The following RBFOX1 variants were observed in gnomAD, a reference collection of about 807,000 sequenced individuals.
RBFOX1 encodes the protein RNA binding protein fox-1 homolog 1.
RBFOX1 carries 8 observed loss-of-function variants against 57.7 expected under a neutral mutation model. That is an observed-to-expected ratio of 0.14 (90% confidence interval 0.08 to 0.25). The LOEUF is 0.25. RBFOX1 is among the 10% of genes least tolerant of loss of function. The pLI is 1.00. For missense variants in RBFOX1, 611 were observed against 548.5 expected, an observed-to-expected ratio of 1.11 and a Z score of -1.14; for synonymous variants, 326 against 222.4, an observed-to-expected ratio of 1.47 and a Z score of -4.15.
At chr16:6,027,529 G>T (rs1228835804) in intron 1 of RBFOX1, among the ~76,000 whole-genome samples, 1 of 152,132 alleles carries the variant, frequency 6.6e-6, no homozygotes, top group East Asian at 1.9e-4. Flanking sequence ...CTGAACCTCA[G>T]TCCATCCCTA....
chr16:6,589,502 A>G (rs980766639), intron 2 of RBFOX1, among the ~76,000 whole-genome samples: 4 of 152,220 alleles, frequency 2.6e-5, no homozygotes, highest in Non-Finnish European at 4.4e-5. Context: ...GTTGATCCAT[A>G]TGGGTGATGC....
chr16:7,210,843 C>G (rs149633895), intron 4 of RBFOX1, among the ~76,000 whole-genome samples: 5 of 151,592 alleles, frequency 3.3e-5, no homozygotes, highest in East Asian at 1.9e-4. Context: ...TATGATGACT[C>G]TAAGAAATAA....
chr16:5,766,305 G>A (rs1019847380), intron 3 of RBFOX1, among the ~76,000 whole-genome samples: 1 of 152,080 alleles, frequency 6.6e-6, no homozygotes, highest in Non-Finnish European at 1.5e-5. Context: ...TACAGATCTG[G>A]GCTGGGCACG....
chr16:7,029,257 C>T (rs62018367), intron 3 of RBFOX1, among the ~76,000 whole-genome samples: 4,608 of 21,736 alleles, frequency 0.21, 780 homozygotes, highest in African/African-American at 0.55. Context: ...TATATACACA[C>T]ATATATATAC....
chr16:6,865,950 A>T (rs1256607670), intron 3 of RBFOX1, among the ~76,000 whole-genome samples: 2 of 152,206 alleles, frequency 1.3e-5, no homozygotes, highest in African/African-American at 4.8e-5. Flanking sequence ...TTGCACAGTA[A>T]TGTCTAAATC....
At chr16:5,751,454 C>A (rs988390120) in intron 3 of RBFOX1, among the ~76,000 whole-genome samples, 3 of 152,182 alleles carry the variant, frequency 2.0e-5, no homozygotes, top group East Asian at 1.9e-4. Flanking sequence ...TTAATACATC[C>A]ACTGTAGACT....
chr16:5,999,644 G>A (rs73614372), intron 4 of RBFOX1, among the ~76,000 whole-genome samples: 1 of 152,030 alleles, frequency 6.6e-6, no homozygotes, highest in Non-Finnish European at 1.5e-5. Context: ...GGCGGATCAC[G>A]AGGTCAGGAG....
chr16:6,316,327 A>G (rs1444129117), intron 1 of RBFOX1, among the ~76,000 whole-genome samples: 1 of 152,200 alleles, frequency 6.6e-6, no homozygotes, highest in Non-Finnish European at 1.5e-5. Context: ...GTTTATTTAA[A>G]TATCAATGAA....
intron 1 of RBFOX1, among the ~76,000 whole-genome samples, chr16:6,254,154 C>T (rs371726410): frequency 4.6e-5 from 7 of 152,092 alleles, no homozygotes; most frequent in African/African-American, 1.7e-4. Context: ...TAAGCACCCT[C>T]GTCAATAGCA....
intron 4 of RBFOX1, among the ~76,000 whole-genome samples, chr16:7,405,026 C>T (rs1312543991): frequency 2.0e-5 from 3 of 152,166 alleles, no homozygotes; most frequent in Admixed American, 6.5e-5. Context: ...GGTATTATTT[C>T]GGTTACGGTA....
chr16:6,848,861 T>C (rs2093910923), intron 3 of RBFOX1, among the ~76,000 whole-genome samples: 1 of 152,132 alleles, frequency 6.6e-6, no homozygotes, highest in Non-Finnish European at 1.5e-5. Flanking sequence ...AATTCACTGA[T>C]TGTATTTCCT....
chr16:5,759,261 G>T (rs1473440624), intron 3 of RBFOX1, among the ~76,000 whole-genome samples: 1 of 152,224 alleles, frequency 6.6e-6, no homozygotes, highest in African/African-American at 2.4e-5. Flanking sequence ...AGAAGAACCA[G>T]TGGAAACAGG....
intron 3 of RBFOX1, among the ~76,000 whole-genome samples, chr16:5,730,324 A>G (rs546828844): frequency 6.6e-6 from 1 of 152,230 alleles, no homozygotes; most frequent in African/African-American, 2.4e-5. Context: ...CATGCCTGAG[A>G]AAAAGAATCC....
At chr16:7,410,684 A>AAAACC (rs142111301) in intron 4 of RBFOX1, among the ~76,000 whole-genome samples, 54,177 of 151,708 alleles carry the variant, frequency 0.36, 10,268 homozygotes, top group East Asian at 0.6. Flanking sequence ...TCCCAAAAAC[A>AAAACC]AAACAAAACA....
chr16:5,367,645 G>T (rs766180921), intron 1 of RBFOX1, among the ~76,000 whole-genome samples: 5 of 152,178 alleles, frequency 3.3e-5, no homozygotes, highest in Non-Finnish European at 7.3e-5. Flanking sequence ...TTAAATGCCT[G>T]CTCTGTGCCA....
At chr16:5,899,868 G>T (rs1386214174) in intron 4 of RBFOX1, among the ~76,000 whole-genome samples, 1 of 152,162 alleles carries the variant, frequency 6.6e-6, no homozygotes, top group African/African-American at 2.4e-5. Flanking sequence ...GAGCCCAGGA[G>T]TTCGAGACTA....
rs60829829 is a variant in RBFOX1, at chr16:6,203,980, CT to C, written c.-126-113000del. ...TGGCTCTGCCAGTTCTGTTTTGTTT[CT>C]TTTTTTTTTTTTTTCGTGAATGACT... On this transcript the variant is annotated intron_variant, in intron 1 of 15. Coordinates refer to ENST00000550418, the MANE Select transcript of RBFOX1 (RefSeq NM_018723.4). Among the ~76,000 whole-genome samples, 1,082 of 137,596 alleles carry C rather than the reference CT, an allele frequency of 7.9e-3. 6 individuals are homozygous for C. Among genetic ancestry groups the C allele is most frequent in the African/African-American group, 0.012 (436 of 37,688 alleles). The allele number at this position is 137,596 out of a possible 152,430, so 90.3% of individuals were successfully genotyped here. A position where few individuals can be genotyped will look rare whatever the true frequency, so the allele number is the denominator to read the frequency against.
At chr16:6,953,289 G>T (rs568301995) in intron 3 of RBFOX1, among the ~76,000 whole-genome samples, 9 of 152,222 alleles carry the variant, frequency 5.9e-5, no homozygotes, top group African/African-American at 2.2e-4. Context: ...AAATAAGGCA[G>T]AACTACTCTG....
intron 3 of RBFOX1, among the ~76,000 whole-genome samples, chr16:6,900,371 T>A (rs1353911430): frequency 6.6e-6 from 1 of 152,196 alleles, no homozygotes; most frequent in Non-Finnish European, 1.5e-5. Context: ...TTCTGTAACC[T>A]CTATCCATGC....
Sources: gnomAD v4.1 joint callset for allele counts (sites outside exome capture counted in the v4.1 genomes callset) on GRCh38, gnomAD v4.1.1 for gene constraint, MANE v1.5 for transcripts, NCBI Gene and HGNC (gene_info 2026-07-23, HGNC 2026-07-21) for gene names.